Variants in NSUN3 observed in about 807,000 individuals in gnomAD.
NSUN3 encodes tRNA (cytosine(34)-C(5))-methyltransferase, mitochondrial.
NSUN3 carries 24 observed loss-of-function variants against 36.8 expected under a neutral mutation model. That is an observed-to-expected ratio of 0.65 (90% confidence interval 0.47 to 0.92). The LOEUF (loss-of-function observed/expected upper bound fraction) is 0.92. Ranked by LOEUF, NSUN3 falls within the 40% of genes least tolerant of loss-of-function variation. NSUN3 has a pLI of 0.00. For synonymous variants in NSUN3, 146 were observed against 145.2 expected (o/e 1.01, Z -0.04); for missense variants, 381 against 392.8 (o/e 0.97, Z 0.25).
chr3:94,063,469 T>A (rs2077190277), intron 1 of NSUN3: 2 of 324,262 alleles, frequency 6.2e-6, no homozygotes, highest in Non-Finnish European at 1.1e-5. Flanking sequence ...CTTGGATGAA[T>A]AAATGAAACA....
intron 5 of NSUN3, among the ~76,000 whole-genome samples, chr3:94,119,962 A>G (rs1020818784): frequency 1.1e-4 from 17 of 152,390 alleles, no homozygotes; most frequent in Non-Finnish European, 1.5e-5. Flanking sequence ...TAGAAAGATA[A>G]ATTATGAATG....
At chr3:94,105,882 CT>C (rs10630411) in intron 5 of NSUN3, among the ~76,000 whole-genome samples, 174 of 146,898 alleles carry the variant, frequency 1.2e-3, no homozygotes, top group African/African-American at 3.9e-3. Flanking sequence ...GAAGGCTTTT[CT>C]TTTTTTTTTT....
chr3:94,124,886 G>A (rs562163107), intron 5 of NSUN3, among the ~76,000 whole-genome samples: 72 of 151,904 alleles, frequency 4.7e-4, no homozygotes, highest in Non-Finnish European at 7.5e-4. Context: ...TATAATAGAG[G>A]CTCAATAAAT....
intron 5 of NSUN3, among the ~76,000 whole-genome samples, chr3:94,102,777 TA>T (rs879826953): frequency 1.3e-5 from 2 of 152,154 alleles, no homozygotes; most frequent in Non-Finnish European, 2.9e-5. Context: ...TTTTCTTTCA[TA>T]AAAAATGTGT....
At chr3:94,113,037 TG>T (rs2107268620) in intron 5 of NSUN3, among the ~76,000 whole-genome samples, 1 of 152,174 alleles carries the variant, frequency 6.6e-6, no homozygotes, top group Admixed American at 6.5e-5. Flanking sequence ...GCTAATTTTT[TG>T]TATTTTTAGT....
At chr3:94,102,419 T>C (rs2077369886) in intron 5 of NSUN3, among the ~76,000 whole-genome samples, 1 of 152,166 alleles carries the variant, frequency 6.6e-6, no homozygotes, top group African/African-American at 2.4e-5. Flanking sequence ...ATATGTTTTC[T>C]TTTTAAAGTT....
chr3:94,084,721 G>T (rs1445686257), intron 3 of NSUN3: 3 of 316,860 alleles, frequency 9.5e-6, no homozygotes, highest in Non-Finnish European at 1.7e-5. Flanking sequence ...ATGCTGATAA[G>T]CCTGATAGGT....
intron 5 of NSUN3, among the ~76,000 whole-genome samples, chr3:94,118,374 T>G (rs2077448649): frequency 6.6e-6 from 1 of 152,226 alleles, no homozygotes; most frequent in Non-Finnish European, 1.5e-5. Flanking sequence ...GATCAAATAA[T>G]ACTTTTGCTT....
intron 2 of NSUN3, among the ~76,000 whole-genome samples, chr3:94,073,974 A>G (rs1340692397): frequency 1.3e-5 from 2 of 152,064 alleles, no homozygotes; most frequent in South Asian, 4.1e-4. Flanking sequence ...GCTAATTTTC[A>G]TATAAGGTGT....
intron 3 of NSUN3, among the ~76,000 whole-genome samples, chr3:94,086,306 C>A (rs1239661920): frequency 2.0e-5 from 3 of 152,114 alleles, no homozygotes; most frequent in African/African-American, 7.2e-5. Flanking sequence ...GTTTCGATAC[C>A]CTGGCACATT....
chr3:94,072,418 G>A (rs139457047), intron 2 of NSUN3, among the ~76,000 whole-genome samples: 70 of 152,242 alleles, frequency 4.6e-4, no homozygotes, highest in South Asian at 3.7e-3. Context: ...TTGTTGTGAT[G>A]GTTCTATGAT....
At chr3:94,079,022 T>C (rs2077257602) in intron 2 of NSUN3, among the ~76,000 whole-genome samples, 1 of 152,196 alleles carries the variant, frequency 6.6e-6, no homozygotes, top group Admixed American at 6.5e-5. Flanking sequence ...CTTCATAGTG[T>C]CGATGGTCTT....
chr3:94,086,811 G>A (rs982202071), intron 3 of NSUN3, among the ~76,000 whole-genome samples: 2 of 152,136 alleles, frequency 1.3e-5, no homozygotes, highest in Admixed American at 1.3e-4. Context: ...ATGTTATAAG[G>A]AGCACTTATT....
At chr3:94,086,153 AG>A (rs780688619) in intron 3 of NSUN3, among the ~76,000 whole-genome samples, 1 of 152,140 alleles carries the variant, frequency 6.6e-6, no homozygotes, top group Non-Finnish European at 1.5e-5. Context: ...CATGTTGGCC[AG>A]GCTGGTCTCA....
intron 2 of NSUN3, among the ~76,000 whole-genome samples, chr3:94,083,578 G>T (rs1202213025): frequency 6.6e-6 from 1 of 152,166 alleles, no homozygotes; most frequent in Non-Finnish European, 1.5e-5. Context: ...AGCAACCAGA[G>T]ACTAAAGTGA....
At chr3:94,071,357 A>G (rs1026093225) in intron 2 of NSUN3, among the ~76,000 whole-genome samples, 2 of 152,236 alleles carry the variant, frequency 1.3e-5, no homozygotes, top group African/African-American at 4.8e-5. Flanking sequence ...GCATGAAAAT[A>G]TATTAAGATG....
intron 2 of NSUN3, among the ~76,000 whole-genome samples, chr3:94,069,658 C>A (rs1223568712): frequency 6.6e-6 from 1 of 152,136 alleles, no homozygotes; most frequent in Non-Finnish European, 1.5e-5. Context: ...TAAACATTAT[C>A]GAAATGATAC....
intron 2 of NSUN3, among the ~76,000 whole-genome samples, chr3:94,071,558 G>A (rs750661828): frequency 2.0e-5 from 3 of 152,196 alleles, no homozygotes; most frequent in Non-Finnish European, 2.9e-5. Context: ...AATTTTTACA[G>A]TATGCTGGAA....
Position 94,129,633 on chromosome 3 carries a change from CT to C in NSUN3, c.*3144del, listed in dbSNP as rs1560044410. Among the ~76,000 whole-genome samples the C allele has an allele frequency of 6.6e-6, 1 of 151,744 alleles. No homozygotes were observed. The highest frequency in any genetic ancestry group is 6.6e-5 in the Admixed American group (1 of 15,216). ...TGTAACACACCTGTTCATGTATCCC[CT>C]GAATCTAAAAAGCTGAAATTATTTT... On this transcript the variant is annotated 3_prime_UTR_variant, in exon 6 of 6. Transcript: ENST00000314622.
Sources: gnomAD v4.1 joint callset for allele counts (sites outside exome capture counted in the v4.1 genomes callset) on GRCh38, gnomAD v4.1.1 for gene constraint, MANE v1.5 for transcripts, NCBI Gene and HGNC (gene_info 2026-07-23, HGNC 2026-07-21) for gene names.